GALNT13: variants seen among roughly 807,000 people sequenced by gnomAD.
GALNT13 encodes the protein UDP-GalNAc:polypeptide N-acetylgalactosaminyltransferase 13.
Under a neutral mutation model 64.2 loss-of-function variants are expected in GALNT13, and 28 were observed. That is an observed-to-expected ratio of 0.44 (90% CI 0.32 to 0.60). GALNT13 has a LOEUF of 0.60. Among genes scored for constraint, GALNT13 ranks in the 20% least tolerant of loss-of-function variants. The pLI is 0.05. For synonymous variants in GALNT13, 214 were observed against 224.6 expected, an observed-to-expected ratio of 0.95 and a Z score of 0.42; for missense variants, 577 against 669.8, an observed-to-expected ratio of 0.86 and a Z score of 1.53.
At chr2:154,283,846 C>CTA (rs1372357363) in intron 8 of GALNT13, among the ~76,000 whole-genome samples, 1 of 152,004 alleles carries the variant, frequency 6.6e-6, no homozygotes, top group African/African-American at 2.4e-5. Flanking sequence ...ATAGTAAGTT[C>CTA]TATAAATCAG....
chr2:154,024,960 C>G (rs1023039713), intron 3 of GALNT13, among the ~76,000 whole-genome samples: 2 of 152,158 alleles, frequency 1.3e-5, no homozygotes, highest in African/African-American at 2.4e-5. Context: ...GAGGTCCACT[C>G]CAGACCCTGA....
intron 11 of GALNT13, among the ~76,000 whole-genome samples, chr2:154,432,016 A>C (rs1700734075): frequency 6.6e-6 from 1 of 152,206 alleles, no homozygotes; most frequent in South Asian, 2.1e-4. Context: ...TCATCTATGA[A>C]AAGAAAAATA....
At chr2:153,103,854 A>G in the GALNT13 span, among the ~76,000 whole-genome samples, 34 of 152,328 alleles carry the variant, frequency 2.2e-4, no homozygotes, top group African/African-American at 8.2e-4. Context: ...TCTGGTCTCT[A>G]CTGCCCAGTT....
intron 3 of GALNT13, among the ~76,000 whole-genome samples, chr2:153,969,448 A>G (rs1361249622): frequency 6.6e-6 from 1 of 152,090 alleles, no homozygotes; most frequent in African/African-American, 2.4e-5. Context: ...TTTGTTCAAT[A>G]TAGAAAAATA....
At chr2:153,301,629 G>GATCTCTT in the GALNT13 span, among the ~76,000 whole-genome samples, 4 of 152,084 alleles carry the variant, frequency 2.6e-5, no homozygotes, top group Admixed American at 2.0e-4. Context: ...TTGAACAGTA[G>GATCTCTT]ATCTCTTGAA....
chr2:153,992,690 A>G (rs893493143), intron 3 of GALNT13, among the ~76,000 whole-genome samples: 3 of 152,148 alleles, frequency 2.0e-5, no homozygotes, highest in Admixed American at 1.3e-4. Context: ...TGCATTTGCA[A>G]TATATTGTCA....
At chr2:153,196,316 C>A in the GALNT13 span, among the ~76,000 whole-genome samples, 153 of 152,016 alleles carry the variant, frequency 1.0e-3, no homozygotes, top group African/African-American at 3.5e-3. Context: ...CCTTCAGATT[C>A]CCCCTGTATG....
chr2:153,858,764 G>C, the GALNT13 span, among the ~76,000 whole-genome samples: 1 of 151,776 alleles, frequency 6.6e-6, no homozygotes, highest in South Asian at 2.1e-4. Flanking sequence ...ACACAGCCTC[G>C]CTTTGTTGCC....
In GALNT13 at chr2:154,124,992, G is replaced by A. The variant is rs549276324; in HGVS notation, c.143-15345G>A. ...CAAACTCTGAGGGTAGGCTGCCTGG[G>A]TTTCATTAGAATGTCACTTAGTAAC... On this transcript the variant is annotated intron_variant, in intron 3 of 12. Transcript: ENST00000392825. Among the ~76,000 whole-genome samples, 10 of 152,208 alleles carry A rather than the reference G, an allele frequency of 6.6e-5. No homozygotes were observed. The East Asian group carries it at 1.9e-3, about 29-fold the overall frequency.
chr2:153,141,989 T>C, the GALNT13 span, among the ~76,000 whole-genome samples: 2 of 151,970 alleles, frequency 1.3e-5, no homozygotes, highest in African/African-American at 4.8e-5. Context: ...TTCCAGATGA[T>C]GGATAGTAAT....
chr2:153,790,723 C>T, the GALNT13 span, among the ~76,000 whole-genome samples: 1 of 152,134 alleles, frequency 6.6e-6, no homozygotes, highest in African/African-American at 2.4e-5. Context: ...TGCCCAAAAG[C>T]TCCTTAAAAT....
At chr2:153,744,630 G>A in the GALNT13 span, among the ~76,000 whole-genome samples, 2 of 152,062 alleles carry the variant, frequency 1.3e-5, no homozygotes, top group Admixed American at 1.3e-4. Flanking sequence ...TCAAGGATGG[G>A]AAATTCCAGG....
At chr2:154,017,576 A>G (rs1045133421) in intron 3 of GALNT13, among the ~76,000 whole-genome samples, 1 of 152,216 alleles carries the variant, frequency 6.6e-6, no homozygotes, top group African/African-American at 2.4e-5. Flanking sequence ...TATTTTCCCA[A>G]GAATTTGGGA....
At chr2:153,396,030 G>A in the GALNT13 span, among the ~76,000 whole-genome samples, 1 of 152,110 alleles carries the variant, frequency 6.6e-6, no homozygotes, top group African/African-American at 2.4e-5. Flanking sequence ...TAGATGGTAT[G>A]TAAATAAATG....
At chr2:153,793,173 C>T in the GALNT13 span, among the ~76,000 whole-genome samples, 4 of 151,840 alleles carry the variant, frequency 2.6e-5, no homozygotes, top group Admixed American at 6.6e-5. Flanking sequence ...GGGGTTTCAC[C>T]ATGTTGGCCA....
chr2:153,607,614 T>C, the GALNT13 span, among the ~76,000 whole-genome samples: 4 of 152,292 alleles, frequency 2.6e-5, no homozygotes, highest in African/African-American at 9.6e-5. Flanking sequence ...AACTTTTACC[T>C]AAATCTTTTT....
chr2:154,104,379 G>A (rs1248901763), intron 3 of GALNT13, among the ~76,000 whole-genome samples: 1 of 152,118 alleles, frequency 6.6e-6, no homozygotes, highest in Non-Finnish European at 1.5e-5. Flanking sequence ...CCCTCTGTGT[G>A]AGCACAGGCA....
intron 8 of GALNT13, among the ~76,000 whole-genome samples, chr2:154,263,239 AG>A (rs1167164069): frequency 6.6e-6 from 1 of 152,208 alleles, no homozygotes; most frequent in Non-Finnish European, 1.5e-5. Flanking sequence ...GTGTAAGCTT[AG>A]GTAAGATAGC....
At chr2:153,863,659 T>C in the GALNT13 span, among the ~76,000 whole-genome samples, 442 of 152,266 alleles carry the variant, frequency 2.9e-3, 2 homozygotes, top group South Asian at 0.011. Flanking sequence ...ATGAAAACAG[T>C]TTTGCCATTC....
Sources: gnomAD v4.1 joint callset for allele counts (sites outside exome capture counted in the v4.1 genomes callset) on GRCh38, gnomAD v4.1.1 for gene constraint, MANE v1.5 for transcripts, NCBI Gene and HGNC (gene_info 2026-07-23, HGNC 2026-07-21) for gene names.